ZNF544: variants seen among roughly 807,000 people sequenced by gnomAD.
The protein encoded by ZNF544 is zinc finger protein 544.
Under a neutral mutation model 13.5 loss-of-function variants are expected in ZNF544, and 10 were observed. The ratio of observed to expected loss-of-function variants is 0.74; its 90% CI spans 0.46 to 1.25. ZNF544 has a LOEUF of 1.25. Among genes scored for constraint, ZNF544 ranks in the 50% most tolerant of loss-of-function variants. The pLI, the probability that ZNF544 is intolerant of heterozygous loss-of-function variation, is 0.00. For synonymous variants in ZNF544, 323 were observed against 300.5 expected, an observed-to-expected ratio of 1.07 and a Z score of -0.77; for missense variants, 896 against 845.6, an observed-to-expected ratio of 1.06 and a Z score of -0.74.
chr19:58,232,652 G>C (rs368931947), intron 3 of ZNF544, among the ~76,000 whole-genome samples: 1 of 151,318 alleles, frequency 6.6e-6, no homozygotes, highest in South Asian at 2.1e-4. Flanking sequence ...TATCCGGGCC[G>C]GGCGCGGTGG....
chr19:58,277,020 A>G (rs2051273001), intron 6 of ZNF544, among the ~76,000 whole-genome samples: 1 of 152,218 alleles, frequency 6.6e-6, no homozygotes, highest in Non-Finnish European at 1.5e-5. Context: ...TGGTTTGTTT[A>G]GGGATCTACC....
In ZNF544 at chr19:58,246,209, C is replaced by T. The variant is rs73056289; in HGVS notation, c.34-92C>T. 5,164 of 1,559,922 alleles carry T rather than the reference C, an allele frequency of 3.3e-3. 25 individuals are homozygous for T. The highest frequency in any genetic ancestry group is 2.8e-3 in the Non-Finnish European group (3,170 of 1,136,110). On this transcript the variant is annotated intron_variant, in intron 4 of 6. Transcript: ENST00000687789. ...ATTAGGTTCCAATGTATGAATTTTACGGGGGGACACCAACATTTAGGCCTT... is the reference window on the plus strand; with the variant it reads ...ATTAGGTTCCAATGTATGAATTTTATGGGGGGACACCAACATTTAGGCCTT...
At chr19:58,251,485 T>A in intron 6 of ZNF544, 1 of 439,450 alleles carries the variant, frequency 2.3e-6, no homozygotes, top group South Asian at 1.6e-5. Context: ...CCACTTTGAT[T>A]GTAATTATTG....
chr19:58,271,307 C>G (rs1035223969), intron 5 of ZNF544, among the ~76,000 whole-genome samples: 1 of 150,608 alleles, frequency 6.6e-6, no homozygotes. Flanking sequence ...TTAAAAGTGG[C>G]TGGAGGTGGG....
At chr19:58,272,985 C>T (rs2147906760) in intron 5 of ZNF544, among the ~76,000 whole-genome samples, 1 of 151,768 alleles carries the variant, frequency 6.6e-6, no homozygotes, top group East Asian at 1.9e-4. Flanking sequence ...AAATCGAGAC[C>T]ATCCTGGCTA....
At position 58,262,142 on chromosome 19, in the gene ZNF544, GAC is replaced by G; in HGVS notation, c.1543_1544del (p.Thr515TrpfsTer6). The G allele has an allele frequency of 6.2e-7, 1 of 1,612,590 alleles. No individual in the cohort carries two copies. The highest frequency in any genetic ancestry group is 8.5e-7 in the Non-Finnish European group (1 of 1,179,770). ...QKYDLVVHQR[T>X]HTGEKPYECN... ...AGTATGACCTTGTTGTACATCAGAG[GAC>G]ACACACTGGAGAGAAGCCCTATGAG... On this transcript the variant is annotated frameshift_variant, in exon 7 of 7. Coordinates refer to ENST00000687789, the MANE Select transcript of ZNF544 (RefSeq NM_014480.4). LOFTEE classifies it low-confidence loss of function (END_TRUNC).
intron 5 of ZNF544, among the ~76,000 whole-genome samples, chr19:58,273,038 G>A (rs184958103): frequency 4.6e-4 from 69 of 151,438 alleles, no homozygotes; most frequent in African/African-American, 1.5e-3. Flanking sequence ...AAAATTAGCC[G>A]GGTGTGGTGG....
At chr19:58,244,616 C>G (rs1335297342) in intron 4 of ZNF544, among the ~76,000 whole-genome samples, 2 of 152,124 alleles carry the variant, frequency 1.3e-5, no homozygotes, top group African/African-American at 4.8e-5. Flanking sequence ...CCCTCTATTG[C>G]CCAGGCTGGA....
At chr19:58,260,321 G>C (rs2048617868) in intron 6 of ZNF544, 1 of 152,104 alleles carries the variant, frequency 6.6e-6, no homozygotes, top group South Asian at 2.1e-4. Context: ...CTCTCACCCA[G>C]ACTGGAATGC....
intron 3 of ZNF544, among the ~76,000 whole-genome samples, chr19:58,234,912 A>G (rs957958076): frequency 3.9e-5 from 6 of 152,242 alleles, no homozygotes; most frequent in East Asian, 1.9e-4. Flanking sequence ...GAGTGTTTAC[A>G]TTATAATCAC....
chr19:58,250,584 C>T (rs1315029386), intron 6 of ZNF544, among the ~76,000 whole-genome samples: 1 of 152,176 alleles, frequency 6.6e-6, no homozygotes, highest in African/African-American at 2.4e-5. Flanking sequence ...GGTGTAGTTA[C>T]ACTGATGACT....
chr19:58,231,427 C>T (rs956359386), intron 3 of ZNF544, among the ~76,000 whole-genome samples: 9 of 152,150 alleles, frequency 5.9e-5, no homozygotes, highest in Non-Finnish European at 1.0e-4. Flanking sequence ...TGAATTCAGG[C>T]AGAGGACAGG....
intron 6 of ZNF544, among the ~76,000 whole-genome samples, chr19:58,253,204 C>T (rs746461910): frequency 6.6e-6 from 1 of 152,190 alleles, no homozygotes; most frequent in Non-Finnish European, 1.5e-5. Context: ...AAAGAGTTTA[C>T]CTAAAACATT....
intron 6 of ZNF544, among the ~76,000 whole-genome samples, chr19:58,255,350 TG>T (rs1297335856): frequency 6.6e-6 from 1 of 152,002 alleles, no homozygotes; most frequent in African/African-American, 2.4e-5. Flanking sequence ...CCAATTTTTT[TG>T]TATTTTTAGT....
In ZNF544 at chr19:58,246,300, G is replaced by A; in HGVS notation, c.34-1G>A. 6.2e-7 allele frequency: 1 copy of A among 1,614,004 alleles called. No individual in the cohort carries two copies. Among genetic ancestry groups the A allele is most frequent in the Admixed American group, 1.7e-5 (1 of 60,004 alleles). On this transcript the variant is annotated splice_acceptor_variant, in intron 4 of 6. Coordinates refer to ENST00000687789, the MANE Select transcript of ZNF544 (RefSeq NM_014480.4). LOFTEE classifies it high-confidence loss of function. The stretch of plus-strand genomic sequence containing the variant: ...GAGCAGTAACAAGTGCCCTGTTTCA[G>A]GCATCTGTGTGCTTCGAGGATGTGG...
intron 6 of ZNF544, among the ~76,000 whole-genome samples, chr19:58,252,574 CT>C (rs137997552): frequency 0.016 from 2,498 of 152,172 alleles, 68 homozygotes; most frequent in African/African-American, 0.057. Flanking sequence ...CTGAATCAAC[CT>C]TTAGACAACC....
rs746758092 is a variant in ZNF544 at position 58,262,686 on chromosome 19, G to A, written c.2080G>A (p.Gly694Arg). The change falls in exon 7 of 7, where the codon GGG (glycine) becomes AGG (arginine). Residue 694 changes from glycine (G) to arginine (R), a missense_variant. By Grantham distance (125) the Gly-to-Arg change is moderately radical. Transcript: ENST00000687789. ...GAAACCCTATGAATGTAGTGACTGTGGGAAATCCTTCCGGCAGCAATCTCA... is the reference window on the plus strand; with the variant it reads ...GAAACCCTATGAATGTAGTGACTGTAGGAAATCCTTCCGGCAGCAATCTCA... The part of the protein sequence containing the change: ...GEKPYECSDC[G>R]KSFRQQSQLV... The A allele has an allele frequency of 1.2e-6, 2 of 1,612,576 alleles. No individual in the cohort carries two copies. The highest frequency in any genetic ancestry group is 3.3e-5 in the Admixed American group (2 of 59,918).
Position 58,232,387 on chromosome 19 carries a change from T to C in ZNF544, c.-60+1925T>C, listed in dbSNP as rs149624638. Among the ~76,000 whole-genome samples, 201 of 145,504 alleles carry C rather than the reference T, an allele frequency of 1.4e-3. 4 individuals carry two copies. In the East Asian group the frequency reaches 0.031, roughly 23 times the overall value. ...TTTTTTTTGAGACAGGGTCTCACTC[T>C]GTCACCCAGACTGGAGTGCAGTGAT... On this transcript the variant is annotated intron_variant, in intron 3 of 6. Transcript: ENST00000687789.
chr19:58,239,343 C>T (rs182727013), intron 3 of ZNF544, among the ~76,000 whole-genome samples: 2 of 151,848 alleles, frequency 1.3e-5, no homozygotes, highest in Non-Finnish European at 2.9e-5. Context: ...CCTCTTCCCC[C>T]CTCCACTCCC....
Sources: gnomAD v4.1 joint callset for allele counts (sites outside exome capture counted in the v4.1 genomes callset) on GRCh38, gnomAD v4.1.1 for gene constraint, MANE v1.5 for transcripts, NCBI Gene and HGNC (gene_info 2026-07-23, HGNC 2026-07-21) for gene names.